The following NRP2 variants were observed in gnomAD, a reference collection of about 807,000 sequenced individuals.
NRP2 encodes the protein neuropilin 2.
NRP2 carries 52 observed loss-of-function variants against 110.4 expected under a neutral mutation model. The observed-to-expected ratio is 0.47, with a 90% confidence interval of 0.38 to 0.59. The LOEUF (loss-of-function observed/expected upper bound fraction) is 0.59. NRP2 is among the 20% of genes least tolerant of loss of function. NRP2 has a pLI of 0.00. For synonymous variants in NRP2, 508 were observed against 468.9 expected (o/e 1.08, Z -1.08); for missense variants, 1,049 against 1,203.0 (o/e 0.87, Z 1.89).
intron 2 of NRP2, among the ~76,000 whole-genome samples, chr2:205,713,174 T>C (rs921006238): frequency 6.6e-6 from 1 of 152,114 alleles, no homozygotes; most frequent in African/African-American, 2.4e-5. Context: ...ACTCCATGGG[T>C]GATTAGGCAA....
At chr2:205,746,792 G>A (rs932981697) in intron 10 of NRP2, among the ~76,000 whole-genome samples, 2 of 152,170 alleles carry the variant, frequency 1.3e-5, no homozygotes, top group African/African-American at 2.4e-5. Context: ...GATTAATAAG[G>A]GCATGTCGGA....
chr2:205,690,595 C>T (rs966071876), intron 1 of NRP2, among the ~76,000 whole-genome samples: 5 of 134,136 alleles, frequency 3.7e-5, no homozygotes, highest in Non-Finnish European at 7.5e-5. Flanking sequence ...CACACACACA[C>T]ACACACACAC....
At chr2:205,772,185 G>C (rs891291787) in intron 15 of NRP2, among the ~76,000 whole-genome samples, 4 of 152,188 alleles carry the variant, frequency 2.6e-5, no homozygotes, top group African/African-American at 9.7e-5. Context: ...GGGTCATGAG[G>C]AATAAACAAA....
chr2:205,725,876 G>T lies in NRP2; in HGVS notation c.821-37G>T, dbSNP rs1477497740. ...TGGGGGATCCCGAGGTATGAGGTTG[G>T]AAGGCCTAACTGCATTTGACCGTCT... On this transcript the variant is annotated intron_variant, in intron 5 of 16. Transcript: ENST00000357785. This position sits in a 1 kb window ranked among gnomAD's most constrained non-coding sequence, Gnocchi z 4.1. 1 of 1,612,252 alleles carries T rather than the reference G, an allele frequency of 6.2e-7. No individual in the cohort carries two copies. Among genetic ancestry groups the T allele is most frequent in the Non-Finnish European group, 8.5e-7 (1 of 1,179,286 alleles).
In NRP2 at chr2:205,796,507, A is replaced by G. The variant is rs1489977705; in HGVS notation, c.*1449A>G. 1.3e-5 allele frequency: 2 copies of G among 152,602 alleles called. No homozygotes were observed. The highest frequency in any genetic ancestry group is 4.8e-5 in the African/African-American group (2 of 41,442). The allele number at this position is 152,602 out of a possible 1,614,324, so 9.5% of individuals were successfully genotyped here. On this transcript the variant is annotated 3_prime_UTR_variant, in exon 17 of 17. Transcript: ENST00000357785. ...ATTAAGTGCCTTGAAAAAATGAAGAAAAATGTATTTTCCCTTTATGTAAAA... is the reference window on the plus strand; with the variant it reads ...ATTAAGTGCCTTGAAAAAATGAAGAGAAATGTATTTTCCCTTTATGTAAAA...
intron 4 of NRP2, among the ~76,000 whole-genome samples, chr2:205,723,147 C>T (rs1346915898): frequency 6.6e-6 from 1 of 152,266 alleles, no homozygotes; most frequent in South Asian, 2.1e-4. Context: ...AAGTTAGCTG[C>T]TATCATCATC....
In NRP2 at chr2:205,749,304, C is replaced by T. The variant is rs189677841; in HGVS notation, c.1787-421C>T. Among the ~76,000 whole-genome samples, 5 of 152,326 alleles carry T rather than the reference C, an allele frequency of 3.3e-5. No homozygotes were observed. In the East Asian group the frequency reaches 9.6e-4, roughly 29 times the overall value. On this transcript the variant is annotated intron_variant, in intron 10 of 16. Coordinates refer to ENST00000357785, the MANE Select transcript of NRP2 (RefSeq NM_003872.3). ...CCACACCCTGACCTAAAGACATAGC[C>T]CCAAATCACTTTCACCATGTAGGGT...
chr2:205,689,002 C>T (rs1416266399), intron 1 of NRP2, among the ~76,000 whole-genome samples: 2 of 152,206 alleles, frequency 1.3e-5, no homozygotes, highest in Non-Finnish European at 2.9e-5. Flanking sequence ...GAGCTGAGTG[C>T]CTGTGTGTAC....
intron 2 of NRP2, among the ~76,000 whole-genome samples, chr2:205,714,900 T>C (rs2056864236): frequency 1.3e-5 from 2 of 152,150 alleles, no homozygotes; most frequent in South Asian, 2.1e-4. Flanking sequence ...AGCCACTCCT[T>C]CCGGCAGCCG....
intron 10 of NRP2, among the ~76,000 whole-genome samples, chr2:205,747,114 G>A (rs2884541): frequency 6.6e-6 from 1 of 152,150 alleles, no homozygotes; most frequent in Non-Finnish European, 1.5e-5. Flanking sequence ...AGCGCTGTAG[G>A]GGATCCAGGA....
chr2:205,769,390 T>C (rs2057980736), intron 15 of NRP2, among the ~76,000 whole-genome samples: 1 of 152,176 alleles, frequency 6.6e-6, no homozygotes, highest in South Asian at 2.1e-4. Flanking sequence ...GGTCGCAATC[T>C]TTTATATTTG....
At chr2:205,758,763 G>T (rs904175163) in intron 12 of NRP2, among the ~76,000 whole-genome samples, 1 of 152,114 alleles carries the variant, frequency 6.6e-6, no homozygotes, top group Non-Finnish European at 1.5e-5. Context: ...CCTTTCCATT[G>T]TCTTTTTCTT....
intron 2 of NRP2, among the ~76,000 whole-genome samples, chr2:205,714,539 G>T (rs968932361): frequency 2.6e-5 from 4 of 152,198 alleles, no homozygotes; most frequent in Admixed American, 2.6e-4. Flanking sequence ...AACAAATGAA[G>T]CGTCTTTTTA....
At chr2:205,730,392 T>C (rs1346716188) in intron 7 of NRP2, among the ~76,000 whole-genome samples, 1 of 152,062 alleles carries the variant, frequency 6.6e-6, no homozygotes, top group South Asian at 2.1e-4. Flanking sequence ...TTGGGGGCAG[T>C]GGAGGAAGAG....
chr2:205,707,102 C>T (rs893263637), intron 2 of NRP2, among the ~76,000 whole-genome samples: 1 of 152,200 alleles, frequency 6.6e-6, no homozygotes, highest in Non-Finnish European at 1.5e-5. Flanking sequence ...GCCAGGAGCA[C>T]CCAACATTCC....
intron 8 of NRP2, among the ~76,000 whole-genome samples, chr2:205,741,820 TGC>T (rs1378098164): frequency 6.6e-6 from 1 of 152,230 alleles, no homozygotes; most frequent in Non-Finnish European, 1.5e-5. Context: ...TTTATCATCT[TGC>T]CTACACTTTC....
At chr2:205,707,308 CCT>C (rs2056699885) in intron 2 of NRP2, among the ~76,000 whole-genome samples, 1 of 152,340 alleles carries the variant, frequency 6.6e-6, no homozygotes, top group African/African-American at 2.4e-5. Context: ...CTGACTGGCC[CCT>C]GAGTGCTAGA....
chr2:205,698,439 G>A (rs906243162), intron 2 of NRP2, among the ~76,000 whole-genome samples: 1 of 152,172 alleles, frequency 6.6e-6, no homozygotes, highest in African/African-American at 2.4e-5. Flanking sequence ...GAAGCACAGA[G>A]AGGTTAGGTC....
intron 5 of NRP2, among the ~76,000 whole-genome samples, chr2:205,724,220 A>C (rs919147258): frequency 3.3e-5 from 5 of 152,188 alleles, no homozygotes; most frequent in African/African-American, 9.7e-5. Flanking sequence ...CTCATACCTC[A>C]GTTTCCTCAT....
Sources: allele counts gnomAD v4.1 joint callset (sites outside exome capture counted in the v4.1 genomes callset), GRCh38; gene constraint gnomAD v4.1.1; non-coding constraint Gnocchi (gnomAD v3.1); transcripts MANE v1.5; gene names NCBI Gene and HGNC (gene_info 2026-07-23, HGNC 2026-07-21).